The following NAALADL2 variants were observed in gnomAD, a reference collection of about 807,000 sequenced individuals.
NAALADL2 encodes the protein N-acetylated alpha-linked acidic dipeptidase like 2.
NAALADL2 carries 76 observed loss-of-function variants against 87.2 expected under a neutral mutation model. That is an observed-to-expected ratio of 0.87 (90% CI 0.72 to 1.05). The LOEUF (loss-of-function observed/expected upper bound fraction) is 1.05. NAALADL2 is among the 50% of genes least tolerant of loss of function. NAALADL2 has a pLI of 0.00. For missense variants in NAALADL2, 1,089 were observed against 945.8 expected, an observed-to-expected ratio of 1.15 and a Z score of -1.99; for synonymous variants, 354 against 331.0, an observed-to-expected ratio of 1.07 and a Z score of -0.75.
At chr3:175,730,395 GATATATATATATAT>G (rs5854656) in intron 11 of NAALADL2, among the ~76,000 whole-genome samples, 1,740 of 55,726 alleles carry the variant, frequency 0.031, 49 homozygotes, top group African/African-American at 0.071. Context: ...ACTTAATACA[GATATATATATATAT>G]ATATATATAT....
intron 9 of NAALADL2, among the ~76,000 whole-genome samples, chr3:175,499,254 G>A (rs1430079610): frequency 5.3e-5 from 8 of 151,950 alleles, no homozygotes; most frequent in East Asian, 3.9e-4. Context: ...TTGTTTTACC[G>A]TTTTTCGAAT....
intron 2 of NAALADL2, among the ~76,000 whole-genome samples, chr3:175,105,291 G>C (rs1307906834): frequency 6.6e-6 from 1 of 151,994 alleles, no homozygotes; most frequent in Non-Finnish European, 1.5e-5. Context: ...AGTTTAAACA[G>C]CATGTAGGCT....
intron 10 of NAALADL2, among the ~76,000 whole-genome samples, chr3:175,588,056 T>A (rs1310135297): frequency 6.6e-6 from 1 of 150,972 alleles, no homozygotes; most frequent in Non-Finnish European, 1.5e-5. Context: ...TGTACACATC[T>A]ATGTTGATTT....
chr3:175,620,762 T>C (rs1253794912), intron 10 of NAALADL2, among the ~76,000 whole-genome samples: 1 of 152,174 alleles, frequency 6.6e-6, no homozygotes, highest in South Asian at 2.1e-4. Context: ...ATGTTGCCGC[T>C]CTTTTCGTGC....
At chr3:174,460,049 TA>T (rs1254827144) in intron 1 of NAALADL2, among the ~76,000 whole-genome samples, 2 of 152,130 alleles carry the variant, frequency 1.3e-5, no homozygotes, top group Non-Finnish European at 2.9e-5. Flanking sequence ...ATCCAATAAA[TA>T]ATTCTCAGCA....
At chr3:175,794,648 C>A (rs78999764) in intron 13 of NAALADL2, among the ~76,000 whole-genome samples, 6,734 of 152,284 alleles carry the variant, frequency 0.044, 507 homozygotes, top group African/African-American at 0.15. Flanking sequence ...GGACTGAGAA[C>A]TCTTGACAGT....
intron 1 of NAALADL2, among the ~76,000 whole-genome samples, chr3:175,046,245 C>G (rs907839069): frequency 6.6e-6 from 1 of 151,980 alleles, no homozygotes; most frequent in South Asian, 2.1e-4. Flanking sequence ...AATGCAGATT[C>G]GGAATTAGTG....
At chr3:175,214,795 T>C (rs941830166) in intron 2 of NAALADL2, among the ~76,000 whole-genome samples, 2 of 152,198 alleles carry the variant, frequency 1.3e-5, no homozygotes, top group African/African-American at 4.8e-5. Context: ...CATGTTCACA[T>C]ATTCCTTGTT....
At chr3:174,957,516 C>T (rs1411454493) in intron 1 of NAALADL2, among the ~76,000 whole-genome samples, 4 of 151,916 alleles carry the variant, frequency 2.6e-5, no homozygotes, top group Non-Finnish European at 5.9e-5. Context: ...CCAAAGCAAC[C>T]TAAGCTGTGG....
chr3:175,444,124 G>A (rs190036072), intron 5 of NAALADL2, among the ~76,000 whole-genome samples: 94 of 152,290 alleles, frequency 6.2e-4, no homozygotes, highest in African/African-American at 2.1e-3. Flanking sequence ...TTGGGATCAT[G>A]AAGGGCTTTG....
chr3:175,228,625 T>TA (rs1416586432), intron 2 of NAALADL2, among the ~76,000 whole-genome samples: 1 of 151,960 alleles, frequency 6.6e-6, no homozygotes, highest in African/African-American at 2.4e-5. Context: ...GAATACATTT[T>TA]AAAAAATTCT....
chr3:175,162,304 C>G (rs112722167), intron 2 of NAALADL2, among the ~76,000 whole-genome samples: 1 of 152,196 alleles, frequency 6.6e-6, no homozygotes, highest in East Asian at 1.9e-4. Flanking sequence ...ATACCTTCCC[C>G]CTTCCTCCAG....
At chr3:174,714,524 A>G (rs1240011471) in intron 2 of NAALADL2, among the ~76,000 whole-genome samples, 1 of 152,030 alleles carries the variant, frequency 6.6e-6, no homozygotes, top group South Asian at 2.1e-4. Context: ...CACATCCCTC[A>G]TAAGTTGGAT....
intron 1 of NAALADL2, among the ~76,000 whole-genome samples, chr3:175,044,123 G>A (rs1249884671): frequency 6.6e-6 from 1 of 151,894 alleles, no homozygotes; most frequent in African/African-American, 2.4e-5. Context: ...TCTTTTTGAT[G>A]CTATTGTAAA....
chr3:174,531,808 T>C (rs1721264824), intron 1 of NAALADL2, among the ~76,000 whole-genome samples: 1 of 152,204 alleles, frequency 6.6e-6, no homozygotes, highest in African/African-American at 2.4e-5. Context: ...CCTGTCTGCA[T>C]TGTAATGCAA....
intron 4 of NAALADL2, among the ~76,000 whole-genome samples, chr3:175,277,350 C>T (rs780712033): frequency 1.3e-5 from 2 of 152,094 alleles, no homozygotes; most frequent in African/African-American, 2.4e-5. Context: ...TATCTGATAA[C>T]GAGCAATAAA....
At chr3:175,523,889 A>T (rs1377628974) in intron 9 of NAALADL2, among the ~76,000 whole-genome samples, 1 of 152,254 alleles carries the variant, frequency 6.6e-6, no homozygotes, top group Non-Finnish European at 1.5e-5. Context: ...AAGAATTGAC[A>T]TACTGACATA....
intron 2 of NAALADL2, among the ~76,000 whole-genome samples, chr3:174,702,075 A>G (rs1444248166): frequency 6.6e-6 from 1 of 152,096 alleles, no homozygotes; most frequent in Admixed American, 6.6e-5. Flanking sequence ...TGTAACCCCA[A>G]CGACACTTGG....
At chr3:175,167,155 C>A (rs888265127) in intron 2 of NAALADL2, among the ~76,000 whole-genome samples, 11 of 151,994 alleles carry the variant, frequency 7.2e-5, no homozygotes, top group African/African-American at 2.7e-4. Context: ...ACTGTGTGAA[C>A]CATACAGTCT....
Sources: allele counts gnomAD v4.1 joint callset (sites outside exome capture counted in the v4.1 genomes callset), GRCh38; gene constraint gnomAD v4.1.1; transcripts MANE v1.5; gene names NCBI Gene and HGNC (gene_info 2026-07-23, HGNC 2026-07-21).